Variants in SVOPL observed in about 807,000 individuals in gnomAD.
SVOPL encodes putative transporter SVOPL.
In SVOPL, 60 loss-of-function variants were observed where a neutral mutation model predicts 61.0. The ratio of observed to expected loss-of-function variants is 0.98; its 90% CI spans 0.80 to 1.22. SVOPL has a LOEUF of 1.22. Ranked by LOEUF, SVOPL falls within the 50% of genes most tolerant of loss-of-function variation. The pLI, the probability that SVOPL is intolerant of heterozygous loss-of-function variation, is 0.00. For synonymous variants in SVOPL, 279 were observed against 250.0 expected (o/e 1.12, Z -1.09); for missense variants, 662 against 643.9 (o/e 1.03, Z -0.30).
chr7:138,657,191 T>C (rs1801789303), intron 6 of SVOPL, among the ~76,000 whole-genome samples: 1 of 152,028 alleles, frequency 6.6e-6, no homozygotes, highest in South Asian at 2.1e-4. Flanking sequence ...AAGGTCTGGC[T>C]GTCTCCCAGG....
chr7:138,606,525 C>T (rs1471969543), intron 14 of SVOPL, among the ~76,000 whole-genome samples: 3 of 152,126 alleles, frequency 2.0e-5, no homozygotes, highest in African/African-American at 7.2e-5. Flanking sequence ...CCACTGTGGA[C>T]ATGTCTGAAA....
intron 6 of SVOPL, 141 bp downstream of exon 6, chr7:138,659,723 A>T: frequency 1.1e-6 from 1 of 907,276 alleles, no homozygotes; most frequent in Non-Finnish European, 1.6e-6. Flanking sequence ...TTTGGCAAAA[A>T]TAAACTTTCT....
chr7:138,695,298 G>A (rs1410248612), intron 1 of SVOPL, among the ~76,000 whole-genome samples: 5 of 152,120 alleles, frequency 3.3e-5, no homozygotes, highest in Non-Finnish European at 7.3e-5. Context: ...GATTGCTTGA[G>A]CCTAGGGGTT....
intron 9 of SVOPL, among the ~76,000 whole-genome samples, chr7:138,631,466 C>A (rs1800186235): frequency 6.6e-6 from 1 of 152,160 alleles, no homozygotes; most frequent in Admixed American, 6.5e-5. Flanking sequence ...CCCCACCTCC[C>A]CCCATCCTTC....
intron 1 of SVOPL, among the ~76,000 whole-genome samples, chr7:138,692,581 ATT>A (rs1802967863): frequency 6.6e-6 from 1 of 152,186 alleles, no homozygotes; most frequent in Non-Finnish European, 1.5e-5. Context: ...TAATAATAAT[ATT>A]TTGTTTCCAT....
intron 14 of SVOPL, among the ~76,000 whole-genome samples, chr7:138,614,851 C>G (rs1248193497): frequency 6.6e-6 from 1 of 152,172 alleles, no homozygotes; most frequent in African/African-American, 2.4e-5. Context: ...ACTGACATCT[C>G]TTTGAGGAGA....
chr7:138,660,648 G>A, intron 5 of SVOPL: 1 of 985,358 alleles, frequency 1.0e-6, no homozygotes, highest in Non-Finnish European at 1.2e-6. Context: ...GATGATATCT[G>A]TACATAAGTC....
rs200980285 is a variant in SVOPL, at chr7:138,620,630, C to T, written c.1353+416G>A. Among the ~76,000 whole-genome samples, 5 of 152,122 alleles carry T rather than the reference C, an allele frequency of 3.3e-5. No individual in the cohort carries two copies. The East Asian group carries it at 9.7e-4, about 29-fold the overall frequency. On this transcript the variant is annotated intron_variant, in intron 14 of 15. Transcript: ENST00000674285. Reference sequence around the variant, plus strand: ...AGCCTGGCTCACCTGTGCCCCACACCACCTCCCTGCCCCTCAGCTGAACCT... The same window carrying T: ...AGCCTGGCTCACCTGTGCCCCACACTACCTCCCTGCCCCTCAGCTGAACCT...
intron 8 of SVOPL, among the ~76,000 whole-genome samples, chr7:138,648,314 G>A (rs1226693262): frequency 2.0e-5 from 3 of 151,924 alleles, no homozygotes; most frequent in East Asian, 3.9e-4. Context: ...AAAGGTAATA[G>A]GATGTGAGAA....
At chr7:138,597,046 A>G (rs1183125789) in intron 14 of SVOPL, 2 of 1,154,944 alleles carry the variant, frequency 1.7e-6, no homozygotes, top group African/African-American at 1.6e-5. Context: ...GTGACACCAA[A>G]ACTCTTTGGT....
intron 1 of SVOPL, among the ~76,000 whole-genome samples, chr7:138,688,796 A>G (rs1197304511): frequency 6.6e-6 from 1 of 152,192 alleles, no homozygotes; most frequent in Non-Finnish European, 1.5e-5. Context: ...GTATAACCTC[A>G]GGAGAATTGA....
At chr7:138,622,493 C>CT (rs1554457508) in intron 13 of SVOPL, among the ~76,000 whole-genome samples, 1 of 101,124 alleles carries the variant, frequency 9.9e-6, no homozygotes, top group African/African-American at 5.0e-5. Context: ...CAGCGGCGGG[C>CT]GGGGGGTCTC....
chr7:138,677,196 G>T (rs780936848), intron 3 of SVOPL, among the ~76,000 whole-genome samples: 1 of 152,082 alleles, frequency 6.6e-6, no homozygotes, highest in African/African-American at 2.4e-5. Flanking sequence ...GAGCCACTGC[G>T]CCCGGCCTCC....
At chr7:138,622,296 A>G (rs954196800) in intron 13 of SVOPL, among the ~76,000 whole-genome samples, 6 of 138,488 alleles carry the variant, frequency 4.3e-5, no homozygotes, top group African/African-American at 1.0e-4. Context: ...CTATCTATCT[A>G]TCTATCTATC....
chr7:138,635,920 G>T (rs1403353726), intron 9 of SVOPL, among the ~76,000 whole-genome samples: 1 of 152,056 alleles, frequency 6.6e-6, no homozygotes. Flanking sequence ...TAAAAGTGAT[G>T]AATCTGATAG....
At chr7:138,686,693 G>A (rs549639669) in intron 1 of SVOPL, among the ~76,000 whole-genome samples, 1 of 150,916 alleles carries the variant, frequency 6.6e-6, no homozygotes, top group South Asian at 2.1e-4. Flanking sequence ...AGCCTCCCGA[G>A]TAGCATGCCT....
At chr7:138,610,542 C>T (rs964760342) in intron 14 of SVOPL, among the ~76,000 whole-genome samples, 1 of 152,148 alleles carries the variant, frequency 6.6e-6, no homozygotes, top group African/African-American at 2.4e-5. Flanking sequence ...AAAAAAATCA[C>T]GTGGTCAAAA....
At chr7:138,680,392 G>T (rs1043508309) in intron 1 of SVOPL, among the ~76,000 whole-genome samples, 1 of 152,122 alleles carries the variant, frequency 6.6e-6, no homozygotes, top group Non-Finnish European at 1.5e-5. Flanking sequence ...CAAGTGATCC[G>T]CCTGCCTTGG....
chr7:138,687,208 C>CT (rs1367740200), intron 1 of SVOPL, among the ~76,000 whole-genome samples: 11 of 123,150 alleles, frequency 8.9e-5, no homozygotes, highest in East Asian at 4.5e-4. Flanking sequence ...TTTGGAAGCT[C>CT]TTTTTTTTCC....
Sources: gnomAD v4.1 joint callset for allele counts (sites outside exome capture counted in the v4.1 genomes callset) on GRCh38, gnomAD v4.1.1 for gene constraint, MANE v1.5 for transcripts, NCBI Gene and HGNC (gene_info 2026-07-23, HGNC 2026-07-21) for gene names.